The following TLE2 variants were observed in gnomAD, a reference collection of about 807,000 sequenced individuals.
TLE2 encodes transducin-like enhancer protein 2.
Under a neutral mutation model 97.2 loss-of-function variants are expected in TLE2, and 74 were observed. The ratio of observed to expected loss-of-function variants is 0.76; its 90% CI spans 0.63 to 0.92. The LOEUF is 0.92. TLE2 is among the 40% of genes least tolerant of loss of function. The probability of loss-of-function intolerance (pLI) is 0.00; values close to 1 mark genes in which losing one functional copy is unlikely to be tolerated. For missense variants in TLE2, 1,038 were observed against 1,008.7 expected, an observed-to-expected ratio of 1.03 and a Z score of -0.39; for synonymous variants, 499 against 432.1, an observed-to-expected ratio of 1.15 and a Z score of -1.92.
intron 5 of TLE2, among the ~76,000 whole-genome samples, chr19:3,022,176 G>C (rs12981498): frequency 0.08 from 12,139 of 151,984 alleles, 586 homozygotes; most frequent in Middle Eastern, 0.13. Flanking sequence ...AGCCTCCCGA[G>C]TAGCTGGGAT....
intron 17 of TLE2, among the ~76,000 whole-genome samples, chr19:3,003,302 C>G (rs2089406387): frequency 6.6e-6 from 1 of 152,156 alleles, no homozygotes; most frequent in African/African-American, 2.4e-5. Flanking sequence ...ATGATGGAAG[C>G]TGAGGCAGTG....
upstream of TLE2, among the ~76,000 whole-genome samples, chr19:3,034,241 G>A (rs1473342951): frequency 6.6e-6 from 1 of 151,644 alleles, no homozygotes; most frequent in African/African-American, 2.4e-5. Context: ...CCCTGACCAG[G>A]CCTTTGTCCT....
chr19:3,021,119 G>C (rs1347362571), intron 5 of TLE2, among the ~76,000 whole-genome samples: 3 of 138,510 alleles, frequency 2.2e-5, no homozygotes, highest in East Asian at 2.1e-4. Flanking sequence ...AAAAAAGGGG[G>C]GGGGGTGCTG....
At chr19:3,016,648 G>C (rs1032841734) in intron 8 of TLE2, among the ~76,000 whole-genome samples, 1 of 151,692 alleles carries the variant, frequency 6.6e-6, no homozygotes, top group Non-Finnish European at 1.5e-5. Context: ...CAGCTCACAT[G>C]ACATTTCTGT....
intron 1 of TLE2, among the ~76,000 whole-genome samples, chr19:3,035,680 A>G (rs2090056833): frequency 6.6e-6 from 1 of 152,150 alleles, no homozygotes; most frequent in Non-Finnish European, 1.5e-5. Flanking sequence ...TCCGCTCGCG[A>G]CGCTCCCACA....
chr19:3,028,832 GT>G lies in TLE2; in HGVS notation c.25-30del, dbSNP rs1471143132. 3.1e-6 allele frequency: 5 copies of G among 1,612,104 alleles called. No individual in the cohort carries two copies. In the East Asian group the frequency reaches 1.1e-4, roughly 36 times the overall value. On this transcript the variant is annotated intron_variant, in intron 1 of 19. Coordinates refer to ENST00000262953, the MANE Select transcript of TLE2 (RefSeq NM_003260.5). ...GGGGGGGTGTGGGGGAAACGTCAGG[GT>G]CTGAGTTCCCGGACACTGGGGGCCC...
At chr19:3,045,144 G>T (rs1599260213) in intron 1 of TLE2, among the ~76,000 whole-genome samples, 2 of 152,230 alleles carry the variant, frequency 1.3e-5, no homozygotes, top group African/African-American at 4.8e-5. Flanking sequence ...AGCCCGGGAG[G>T]TTGAGGCTGC....
intron 5 of TLE2, among the ~76,000 whole-genome samples, chr19:3,023,749 G>A (rs1193165898): frequency 5.3e-5 from 8 of 151,558 alleles, no homozygotes; most frequent in Non-Finnish European, 7.4e-5. Context: ...AAAATTAGCC[G>A]GGCGTGGTGG....
In TLE2 at chr19:3,019,908, C is replaced by T. The variant is rs970491019; in HGVS notation, c.295-135G>A. On this transcript the variant is annotated intron_variant, in intron 5 of 19. Transcript: ENST00000262953. The surrounding 1 kb of genome is among the most constrained non-coding windows in gnomAD (Gnocchi z 5.1). ...CTTCCCATTTCTCTTTTATCTTTTT[C>T]CCTCTCACTCTCTCCCTTTCCTTTT... is the stretch of plus-strand genomic sequence containing the variant. 3.4e-6 allele frequency: 4 copies of T among 1,192,276 alleles called. No homozygotes were observed. The highest frequency in any genetic ancestry group is 4.6e-6 in the Non-Finnish European group (4 of 861,982). 73.9% of individuals were successfully genotyped at this position (1,192,276 alleles called of 1,614,324 possible). A position where few individuals can be genotyped will look rare whatever the true frequency, so the allele number is the denominator to read the frequency against.
At chr19:3,032,554 TGTGA>T (rs1376061266), upstream of TLE2, among the ~76,000 whole-genome samples, 2 of 152,144 alleles carry the variant, frequency 1.3e-5, no homozygotes, top group African/African-American at 2.4e-5. The surrounding 1 kb of genome is among the most constrained non-coding windows in gnomAD (Gnocchi z 4.1). Context: ...GTGTTTTGGA[TGTGA>T]GTATGTTTAC....
At chr19:3,008,566 T>C (rs2089524232) in intron 14 of TLE2, among the ~76,000 whole-genome samples, 1 of 152,046 alleles carries the variant, frequency 6.6e-6, no homozygotes, top group Non-Finnish European at 1.5e-5. Flanking sequence ...TTCTCCTGCC[T>C]CAGCCTCCCG....
Position 3,017,866 on chromosome 19 carries a change from G to C in TLE2, c.551-7C>G. The stretch of plus-strand genomic sequence containing the variant: ...CTGCTCGGGGCTCTCTCCACTGACA[G>C]ATTGGGAATGGGATAAAGAGAAAGA... On this transcript the variant is annotated splice_region_variant and splice_polypyrimidine_tract_variant and intron_variant, in intron 7 of 19. Coordinates refer to ENST00000262953, the MANE Select transcript of TLE2 (RefSeq NM_003260.5). The C allele has an allele frequency of 1.2e-6, 2 of 1,612,388 alleles. No individual in the cohort carries two copies. The highest frequency in any genetic ancestry group is 1.1e-5 in the South Asian group (1 of 90,874).
In TLE2 at chr19:3,011,117, G is replaced by A; in HGVS notation, c.917C>T (p.Ser306Phe). ...ASTPASKSCD[S>F]SPPQDASTPG... ...GGTGGAAGCGTCCTGGGGCGGGGAG[G>A]AGTCACAGGATTTGGAGGCAGGAGT... The change falls in exon 12 of 20, where the codon TCC becomes TTC. Residue 306 changes from serine (S) to phenylalanine (F), a missense_variant. Transcript: ENST00000262953. 1.9e-6 allele frequency: 3 copies of A among 1,610,670 alleles called. No homozygotes were observed. Among genetic ancestry groups the A allele is most frequent in the Middle Eastern group, 1.9e-4 (1 of 5,380 alleles).
At chr19:3,025,178 G>T in intron 4 of TLE2, 96 bp from the exon 5 acceptor site, 1 of 1,296,170 alleles carries the variant, frequency 7.7e-7, no homozygotes, top group Non-Finnish European at 1.1e-6. Context: ...AAAGCCGAAG[G>T]GTTGGGGAGG....
At chr19:3,030,492 G>C (rs1459397106), upstream of TLE2, among the ~76,000 whole-genome samples, 1 of 152,220 alleles carries the variant, frequency 6.6e-6, no homozygotes, top group Non-Finnish European at 1.5e-5. Context: ...CTGGGGCACA[G>C]CTGGGAACAA....
chr19:3,033,300 T>C (rs2090040036), upstream of TLE2, among the ~76,000 whole-genome samples: 1 of 152,110 alleles, frequency 6.6e-6, no homozygotes, highest in Admixed American at 6.6e-5. Flanking sequence ...CCCAAGTAGC[T>C]GGGACTACAG....
chr19:3,006,694 C>G (rs890967162), intron 14 of TLE2, 25 bp from the exon 15 acceptor site: 1 of 1,565,274 alleles, frequency 6.4e-7, no homozygotes, highest in Admixed American at 1.8e-5. Flanking sequence ...GGGGCATGAC[C>G]CAGCCCTGGG....
In TLE2 at chr19:2,997,786, C is replaced by G. The variant is rs1418767072; in HGVS notation, c.*62G>C. The stretch of plus-strand genomic sequence containing the variant: ...GGCTGGGAGGCGGCTGCTAGGATGT[C>G]TGTCCTGGCTGCTGATTCCCCTGGG... On this transcript the variant is annotated 3_prime_UTR_variant, in exon 20 of 20. Transcript: ENST00000262953. 5.5e-6 allele frequency: 7 copies of G among 1,272,790 alleles called. No homozygotes were observed. In the African/African-American group the frequency reaches 5.9e-5, roughly 11 times the overall value. The allele number at this position is 1,272,790 out of a possible 1,614,324, so 78.8% of individuals were successfully genotyped here.
At chr19:3,016,928 A>G (rs547952907) in intron 8 of TLE2, among the ~76,000 whole-genome samples, 104 of 150,068 alleles carry the variant, frequency 6.9e-4, no homozygotes, top group South Asian at 8.5e-4. Context: ...ACAGGCGCCC[A>G]CCACCACACC....
Sources: gnomAD v4.1 joint callset for allele counts (sites outside exome capture counted in the v4.1 genomes callset) on GRCh38, gnomAD v4.1.1 for gene constraint, Gnocchi (gnomAD v3.1) non-coding constraint, MANE v1.5 for transcripts, NCBI Gene and HGNC (gene_info 2026-07-23, HGNC 2026-07-21) for gene names.